Variants in ENOX1 observed in about 807,000 individuals in gnomAD.
ENOX1 encodes candidate growth-related and time keeping constitutive hydroquinone (NADH) oxidase.
ENOX1 carries 42 observed loss-of-function variants against 82.5 expected under a neutral mutation model. The observed-to-expected ratio is 0.51, with a 90% CI of 0.40 to 0.66. The LOEUF (loss-of-function observed/expected upper bound fraction) is 0.66. Among genes scored for constraint, ENOX1 ranks in the 30% least tolerant of loss-of-function variants. The probability of loss-of-function intolerance (pLI) is 0.00; values close to 1 mark genes in which losing one functional copy is unlikely to be tolerated. For missense variants in ENOX1, 608 were observed against 811.6 expected, an observed-to-expected ratio of 0.75 and a Z score of 3.05; for synonymous variants, 271 against 282.2, an observed-to-expected ratio of 0.96 and a Z score of 0.40.
chr13:43,719,958 A>G (rs1423574469), intron 1 of ENOX1, among the ~76,000 whole-genome samples: 1 of 152,182 alleles, frequency 6.6e-6, no homozygotes, highest in Non-Finnish European at 1.5e-5. Context: ...AAAATAACCT[A>G]CAGCAGGTTC....
chr13:43,351,506 A>G (rs951416042), intron 8 of ENOX1, among the ~76,000 whole-genome samples: 9 of 148,090 alleles, frequency 6.1e-5, no homozygotes, highest in Admixed American at 5.4e-4. Flanking sequence ...TACATGTGCC[A>G]TGCTGGTGCG....
chr13:43,754,232 T>C lies in ENOX1; in HGVS notation c.-285+32420A>G, dbSNP rs530821057. ...ATATATGTGTGTACATACATGTGTA[T>C]ACATATGTATATATACACATATATA... is the stretch of plus-strand genomic sequence containing the variant. On this transcript the variant is annotated intron_variant, in intron 1 of 16. Transcript: ENST00000690772. 1.1e-4 allele frequency among the ~76,000 whole-genome samples: 16 copies of C among 148,490 alleles called. No individual in the cohort carries two copies. The East Asian group carries it at 2.5e-3, about 24-fold the overall frequency.
chr13:43,563,680 T>C (rs1188666270), intron 2 of ENOX1, among the ~76,000 whole-genome samples: 1 of 151,590 alleles, frequency 6.6e-6, no homozygotes, highest in Non-Finnish European at 1.5e-5. Context: ...TAAAAACAGA[T>C]GAAAAAGGAG....
intron 12 of ENOX1, 64 bp from the exon 13 acceptor site, chr13:43,269,641 C>T: frequency 8.0e-7 from 1 of 1,246,016 alleles, no homozygotes; most frequent in South Asian, 1.2e-5. Flanking sequence ...AAAATATCCA[C>T]AATACCCATT....
chr13:43,717,742 C>T (rs2088248257), intron 1 of ENOX1, among the ~76,000 whole-genome samples: 1 of 152,086 alleles, frequency 6.6e-6, no homozygotes, highest in Non-Finnish European at 1.5e-5. Flanking sequence ...CAGGAACAGA[C>T]ACTTCTCAAA....
intron 2 of ENOX1, among the ~76,000 whole-genome samples, chr13:43,622,765 C>T (rs966704295): frequency 1.3e-5 from 2 of 151,950 alleles, no homozygotes; most frequent in Non-Finnish European, 1.5e-5. Context: ...TTCCAGAGAG[C>T]GTCAGCTGTG....
At chr13:43,584,318 G>A (rs928768766) in intron 2 of ENOX1, among the ~76,000 whole-genome samples, 4 of 152,134 alleles carry the variant, frequency 2.6e-5, no homozygotes, top group African/African-American at 7.2e-5. Context: ...ACATCCATCC[G>A]CTTCATATTT....
At chr13:43,751,744 G>A (rs1662396528) in intron 1 of ENOX1, among the ~76,000 whole-genome samples, 1 of 152,150 alleles carries the variant, frequency 6.6e-6, no homozygotes, top group Admixed American at 6.5e-5. Context: ...GTTTCAGCAT[G>A]GATAGGCTAT....
At chr13:43,374,212 T>C (rs2051450712) in intron 5 of ENOX1, among the ~76,000 whole-genome samples, 1 of 150,362 alleles carries the variant, frequency 6.7e-6, no homozygotes. Flanking sequence ...CTTTCCTTCC[T>C]TCCTTCCTTC....
At chr13:43,643,648 T>TATATATAC (rs1291878348) in intron 2 of ENOX1, among the ~76,000 whole-genome samples, 1 of 150,040 alleles carries the variant, frequency 6.7e-6, no homozygotes, top group Non-Finnish European at 1.5e-5. Context: ...TATATATATA[T>TATATATAC]ACACACACAT....
intron 3 of ENOX1, among the ~76,000 whole-genome samples, chr13:43,418,944 C>G (rs1194848890): frequency 6.6e-6 from 1 of 152,092 alleles, no homozygotes; most frequent in African/African-American, 2.4e-5. Context: ...GTTTGGGAGG[C>G]TGAGGTGGCA....
chr13:43,248,670 T>G (rs1331833014), intron 14 of ENOX1, among the ~76,000 whole-genome samples: 1 of 152,100 alleles, frequency 6.6e-6, no homozygotes, highest in Non-Finnish European at 1.5e-5. Flanking sequence ...GTTGACTTTC[T>G]TAGTAATAAC....
At chr13:43,501,872 C>A (rs1368704991) in intron 2 of ENOX1, among the ~76,000 whole-genome samples, 4 of 146,488 alleles carry the variant, frequency 2.7e-5, no homozygotes, top group Non-Finnish European at 3.0e-5. Flanking sequence ...CAAAAGCTAA[C>A]AGAAGAAAGA....
chr13:43,539,895 T>C (rs2078634685), intron 2 of ENOX1, among the ~76,000 whole-genome samples: 1 of 152,214 alleles, frequency 6.6e-6, no homozygotes, highest in African/African-American at 2.4e-5. Context: ...TTCACACTTG[T>C]AAAATATCCT....
In ENOX1 at chr13:43,690,426, T is replaced by C. The variant is rs1826209699; in HGVS notation, c.-284-22882A>G. 3.3e-5 allele frequency among the ~76,000 whole-genome samples: 5 copies of C among 152,186 alleles called. No individual in the cohort carries two copies. In the South Asian group the frequency reaches 1.0e-3, roughly 32 times the overall value. ...TGAACACCATGGTGTTCAATAAATA[T>C]AATTGAGGATGGTGACAATGCTACC... is the stretch of plus-strand genomic sequence containing the variant. On this transcript the variant is annotated intron_variant, in intron 1 of 16. Coordinates refer to ENST00000690772, the MANE Select transcript of ENOX1 (RefSeq NM_001347969.2).
chr13:43,368,949 C>T (rs1332601836), intron 5 of ENOX1, among the ~76,000 whole-genome samples: 1 of 152,134 alleles, frequency 6.6e-6, no homozygotes, highest in East Asian at 1.9e-4. Flanking sequence ...CACTGTGCAC[C>T]TGAGTTCTCT....
At position 43,529,501 on chromosome 13, in the gene ENOX1, CTGTT is replaced by C. The variant is rs1056460186; in HGVS notation, c.-218-45353_-218-45350del. ...GGTTGCTAAGATCTATGCTAAGAAT[CTGTT>C]TGTCAAATTATAAAGAAGGAAAAAG... On this transcript the variant is annotated intron_variant, in intron 2 of 16. Coordinates refer to ENST00000690772, the MANE Select transcript of ENOX1 (RefSeq NM_001347969.2). 7.2e-5 allele frequency among the ~76,000 whole-genome samples: 11 copies of C among 152,146 alleles called. No homozygotes were observed. The East Asian group carries it at 1.9e-3, about 27-fold the overall frequency.
At chr13:43,759,097 C>CTTTTTTTTTT (rs3044251) in intron 1 of ENOX1, among the ~76,000 whole-genome samples, 1 of 122,448 alleles carries the variant, frequency 8.2e-6, no homozygotes, top group Non-Finnish European at 1.6e-5. Flanking sequence ...TGATAAGTTT[C>CTTTTTTTTTT]TTTTTTTTTT....
chr13:43,713,124 G>T (rs539338949), intron 1 of ENOX1, among the ~76,000 whole-genome samples: 11 of 152,096 alleles, frequency 7.2e-5, no homozygotes, highest in Admixed American at 3.3e-4. Flanking sequence ...TAGCATGAAG[G>T]GTTGTTGAAT....
Sources: allele counts gnomAD v4.1 joint callset (sites outside exome capture counted in the v4.1 genomes callset), GRCh38; gene constraint gnomAD v4.1.1; transcripts MANE v1.5; gene names NCBI Gene and HGNC (gene_info 2026-07-23, HGNC 2026-07-21).